SHTN1: variants seen among roughly 807,000 people sequenced by gnomAD.
SHTN1 encodes the protein shootin-1.
In SHTN1, 42 loss-of-function variants were observed where a neutral mutation model predicts 83.1. That is an observed-to-expected ratio of 0.51 (90% CI 0.39 to 0.65). The LOEUF is 0.65. Among genes scored for constraint, SHTN1 ranks in the 30% least tolerant of loss-of-function variants. SHTN1 has a pLI of 0.00. For missense variants in SHTN1, 622 were observed against 737.8 expected, an observed-to-expected ratio of 0.84 and a Z score of 1.82; for synonymous variants, 224 against 247.7, an observed-to-expected ratio of 0.90 and a Z score of 0.90.
intron 12 of SHTN1, among the ~76,000 whole-genome samples, chr10:116,916,431 A>G (rs74159010): frequency 0.058 from 8,896 of 152,218 alleles, 827 homozygotes; most frequent in African/African-American, 0.19. Flanking sequence ...TCCAATTACC[A>G]TCTTTAATAG....
chr10:116,976,179 T>C (rs1329167101), intron 2 of SHTN1, among the ~76,000 whole-genome samples: 1 of 152,174 alleles, frequency 6.6e-6, no homozygotes, highest in Non-Finnish European at 1.5e-5. Flanking sequence ...CACTGCTGTG[T>C]AGAGCATGAG....
intron 2 of SHTN1, among the ~76,000 whole-genome samples, chr10:116,976,621 T>C (rs1285628504): frequency 6.6e-6 from 1 of 152,086 alleles, no homozygotes. Context: ...CACAAGAGAG[T>C]GCTTTCCCAG....
upstream of SHTN1, among the ~76,000 whole-genome samples, chr10:117,010,134 A>G (rs1378755717): frequency 1.3e-5 from 2 of 152,046 alleles, no homozygotes; most frequent in Non-Finnish European, 2.9e-5. Context: ...TAGAATTAAT[A>G]AAAAGCTATT....
chr10:117,024,610 A>G (rs969455172), intron 2 of SHTN1, among the ~76,000 whole-genome samples: 2 of 151,966 alleles, frequency 1.3e-5, no homozygotes, highest in Admixed American at 1.3e-4. Flanking sequence ...CGCCCGCCTC[A>G]GCCTCCCAAA....
At chr10:116,993,479 G>C (rs1190535270) in intron 1 of SHTN1, among the ~76,000 whole-genome samples, 1 of 152,082 alleles carries the variant, frequency 6.6e-6, no homozygotes, top group Non-Finnish European at 1.5e-5. Flanking sequence ...AGGTTCACAT[G>C]ACTTGGGCAA....
intron 6 of SHTN1, among the ~76,000 whole-genome samples, chr10:116,949,787 A>G (rs1849711089): frequency 6.6e-6 from 1 of 152,184 alleles, no homozygotes; most frequent in East Asian, 1.9e-4. Flanking sequence ...AACACATATA[A>G]ATACTCCCAC....
rs192334426 is a variant in SHTN1 at position 116,903,390 on chromosome 10, T to C, written c.1481-1433A>G. Among the ~76,000 whole-genome samples the C allele has an allele frequency of 6.3e-3, 961 of 152,002 alleles. 9 individuals are homozygous for C. The highest frequency in any genetic ancestry group is 0.01 in the Non-Finnish European group (684 of 67,950). ...TCTACTAGAAATCAGCCAGGTTTGATGGTGGGCGCCTGTAATCCCAGCTAC... is the reference window on the plus strand; with the variant it reads ...TCTACTAGAAATCAGCCAGGTTTGACGGTGGGCGCCTGTAATCCCAGCTAC... On this transcript the variant is annotated intron_variant, in intron 15 of 16. Transcript: ENST00000355371.
intron 7 of SHTN1, among the ~76,000 whole-genome samples, chr10:116,946,831 C>T (rs1266886157): frequency 2.0e-5 from 3 of 151,614 alleles, no homozygotes; most frequent in African/African-American, 7.3e-5. Context: ...GATTCTCCTG[C>T]CTCAGCCTCC....
chr10:116,962,852 A>G (rs1270975840), intron 3 of SHTN1, among the ~76,000 whole-genome samples: 1 of 152,050 alleles, frequency 6.6e-6, no homozygotes, highest in African/African-American at 2.4e-5. Flanking sequence ...TTCCAGTGCT[A>G]AACTGGTAGC....
intron 2 of SHTN1, among the ~76,000 whole-genome samples, chr10:117,019,789 T>C (rs1239434423): frequency 6.8e-6 from 1 of 147,796 alleles, no homozygotes; most frequent in Non-Finnish European, 1.5e-5. Flanking sequence ...ATCATGCCAC[T>C]GCACTCCACA....
intron 2 of SHTN1, chr10:116,974,195 C>A: frequency 1.0e-6 from 1 of 957,706 alleles, no homozygotes; most frequent in South Asian, 4.3e-5. Context: ...GTCATCAGAA[C>A]AGAGATCCTT....
In SHTN1 at chr10:117,053,024, A is replaced by AAAAAAAAAAAAAAAAAAAAAG. The variant is rs1554934278; in HGVS notation, c.-188-4515_-188-4514insCTTTTTTTTTTTTTTTTTTTT. 1.9e-3 allele frequency among the ~76,000 whole-genome samples: 97 copies of AAAAAAAAAAAAAAAAAAAAAG among 51,342 alleles called. 34 individuals carry two copies. Among genetic ancestry groups the AAAAAAAAAAAAAAAAAAAAAG allele is most frequent in the South Asian group, 2.8e-3 (2 of 722 alleles). The allele number at this position is 51,342 out of a possible 152,430, so 33.7% of individuals were successfully genotyped here. A position where few individuals can be genotyped will look rare whatever the true frequency, so the allele number is the denominator to read the frequency against. ...AACAGAGCAAGACTGTGTCTCAAAAAAAAAAAGAATTAAGAATTAAGTTGG... is the reference window on the plus strand; with the variant it reads ...AACAGAGCAAGACTGTGTCTCAAAAAAAAAAAAAAAAAAAAAAAAAGAAAAAAGAATTAAGAATTAAGTTGG... On this transcript the variant is annotated intron_variant, in intron 1 of 17. Transcript: ENST00000392901.
At chr10:116,893,774 T>C (rs2133308290) in intron 16 of SHTN1, among the ~76,000 whole-genome samples, 1 of 152,292 alleles carries the variant, frequency 6.6e-6, no homozygotes, top group South Asian at 2.1e-4. Context: ...ACTAAATTAA[T>C]TTCCAGCTGA....
chr10:116,911,763 A>G (rs200983418), intron 14 of SHTN1, 27 bp downstream of exon 14: 2 of 1,598,540 alleles, frequency 1.3e-6, no homozygotes, highest in African/African-American at 2.7e-5. Flanking sequence ...CCCATTAGCT[A>G]AACAATAAAC....
At chr10:116,941,812 T>C (rs775421467) in intron 8 of SHTN1, among the ~76,000 whole-genome samples, 1 of 152,188 alleles carries the variant, frequency 6.6e-6, no homozygotes, top group Non-Finnish European at 1.5e-5. Context: ...AGTCAAGTCA[T>C]GAATACAGTA....
At chr10:116,996,414 G>A (rs1851628493) in intron 1 of SHTN1, among the ~76,000 whole-genome samples, 1 of 152,122 alleles carries the variant, frequency 6.6e-6, no homozygotes, top group African/African-American at 2.4e-5. Context: ...GCTAAAGCTG[G>A]ACAACTTGAT....
chr10:117,092,526 G>A (rs779182859), intron 1 of SHTN1, among the ~76,000 whole-genome samples: 20 of 152,114 alleles, frequency 1.3e-4, no homozygotes, highest in Non-Finnish European at 1.9e-4. Flanking sequence ...TCCCCTTTGG[G>A]GACAAATTAA....
At position 116,968,686 on chromosome 10, in the gene SHTN1, A is replaced by T. The variant is rs1850488231; in HGVS notation, c.138T>A (p.Asp46Glu). ...ATTCTTCCAGTTTTTTAACGGCTTC[A>T]TCTCGTTCTTGCCTAATTTTGTCAC... is the stretch of plus-strand genomic sequence containing the variant. ...EKCDKIRQERDEAVKKLEEFQ... is the reference protein window; with the variant it reads ...EKCDKIRQEREEAVKKLEEFQ... Residue 46 changes from aspartate (D) to glutamate (E), a missense_variant, in exon 3 of 17, where the codon GAT becomes GAA. Coordinates refer to ENST00000355371, the MANE Select transcript of SHTN1 (RefSeq NM_001127211.3). The T allele has an allele frequency of 6.2e-7, 1 of 1,612,384 alleles. No homozygotes were observed. The highest frequency in any genetic ancestry group is 8.5e-7 in the Non-Finnish European group (1 of 1,178,964).
rs1589771153 is a variant in SHTN1, at chr10:116,885,175, A to T, written c.*1169T>A. On this transcript the variant is annotated 3_prime_UTR_variant, in exon 17 of 17. Coordinates refer to ENST00000355371, the MANE Select transcript of SHTN1 (RefSeq NM_001127211.3). ...ATTACTATCATTTTCTTTTGCCCTTAGGTGAAAAACACCTGACAGCTACAT... is the reference window on the plus strand; with the variant it reads ...ATTACTATCATTTTCTTTTGCCCTTTGGTGAAAAACACCTGACAGCTACAT... 6.6e-6 allele frequency: 1 copy of T among 152,658 alleles called. No individual in the cohort carries two copies. The highest frequency in any genetic ancestry group is 1.5e-5 in the Non-Finnish European group (1 of 68,048). The allele number at this position is 152,658 out of a possible 1,614,324, so 9.5% of individuals were successfully genotyped here. A position where few individuals can be genotyped will look rare whatever the true frequency, so the allele number is the denominator to read the frequency against.
Sources: gnomAD v4.1 joint callset for allele counts (sites outside exome capture counted in the v4.1 genomes callset) on GRCh38, gnomAD v4.1.1 for gene constraint, MANE v1.5 for transcripts, NCBI Gene and HGNC (gene_info 2026-07-23, HGNC 2026-07-21) for gene names.